Variants in GLIS3 observed in about 807,000 individuals in gnomAD.
GLIS3 encodes the protein zinc finger protein GLIS3.
GLIS3 carries 53 observed loss-of-function variants against 78.6 expected under a neutral mutation model. The observed-to-expected ratio is 0.67, with a 90% CI of 0.54 to 0.85. The LOEUF (loss-of-function observed/expected upper bound fraction) is 0.85. GLIS3 is among the 40% of genes least tolerant of loss of function. The pLI is 0.00. For missense variants in GLIS3, 1,703 were observed against 1,231.1 expected, an observed-to-expected ratio of 1.38 and a Z score of -5.74; for synonymous variants, 684 against 509.9, an observed-to-expected ratio of 1.34 and a Z score of -4.60.
chr9:4,318,198 A>T (rs894330508), intron 2 of GLIS3, among the ~76,000 whole-genome samples: 1 of 152,120 alleles, frequency 6.6e-6, no homozygotes, highest in Non-Finnish European at 1.5e-5. Flanking sequence ...ACAATGATGG[A>T]AAGTGGGGAG....
intron 4 of GLIS3, among the ~76,000 whole-genome samples, chr9:4,022,583 C>T (rs1412911039): frequency 6.6e-6 from 1 of 152,070 alleles, no homozygotes; most frequent in Non-Finnish European, 1.5e-5. Context: ...GTAATTTGCC[C>T]CAGAGAAATG....
At chr9:4,462,594 AACAC>A in the GLIS3 span, among the ~76,000 whole-genome samples, 2,891 of 145,018 alleles carry the variant, frequency 0.02, 77 homozygotes, top group African/African-American at 0.062. Context: ...CCATCTCTAT[AACAC>A]ACACACACAC....
chr9:4,174,661 T>C (rs1047350841), intron 2 of GLIS3, among the ~76,000 whole-genome samples: 7 of 152,234 alleles, frequency 4.6e-5, no homozygotes, highest in Admixed American at 2.6e-4. Flanking sequence ...AAACTGTGAA[T>C]TAACCTCCTT....
intron 4 of GLIS3, among the ~76,000 whole-genome samples, chr9:4,003,211 C>A (rs1265271893): frequency 2.0e-5 from 3 of 152,160 alleles, no homozygotes; most frequent in African/African-American, 7.2e-5. Context: ...AAGATCCCAT[C>A]TCTGTTTTAA....
chr9:4,152,204 C>A (rs1169842687), intron 2 of GLIS3: 46 of 741,066 alleles, frequency 6.2e-5, no homozygotes, highest in Non-Finnish European at 7.6e-5. Context: ...CAGGAAGGAA[C>A]CAAAGGAAGA....
intron 2 of GLIS3, among the ~76,000 whole-genome samples, chr9:4,284,872 T>C (rs1827852307): frequency 6.6e-6 from 1 of 152,118 alleles, no homozygotes; most frequent in South Asian, 2.1e-4. Flanking sequence ...GAGACCAAGA[T>C]CATGCCACTG....
intron 2 of GLIS3, among the ~76,000 whole-genome samples, chr9:4,218,114 A>C (rs1456579876): frequency 6.6e-6 from 1 of 152,208 alleles, no homozygotes; most frequent in African/African-American, 2.4e-5. Flanking sequence ...CCATCTACCC[A>C]GTTGCTGCAG....
At chr9:4,232,675 A>T (rs143863125) in intron 2 of GLIS3, among the ~76,000 whole-genome samples, 314 of 152,318 alleles carry the variant, frequency 2.1e-3, no homozygotes, top group African/African-American at 7.1e-3. Flanking sequence ...TATTATTACC[A>T]TTATCAATAA....
chr9:3,828,831 G>C (rs1817874187), intron 10 of GLIS3, among the ~76,000 whole-genome samples: 1 of 152,184 alleles, frequency 6.6e-6, no homozygotes, highest in Admixed American at 6.5e-5. Context: ...AAGCTCAGGT[G>C]AAGAGCATGT....
At chr9:4,155,478 C>A (rs923469713) in intron 2 of GLIS3, among the ~76,000 whole-genome samples, 1 of 152,160 alleles carries the variant, frequency 6.6e-6, no homozygotes, top group Non-Finnish European at 1.5e-5. Context: ...TTACCCTTTT[C>A]AATATTTAGC....
chr9:4,343,631 C>T (rs757515012), intron 2 of GLIS3, among the ~76,000 whole-genome samples: 4 of 152,184 alleles, frequency 2.6e-5, no homozygotes, highest in Non-Finnish European at 5.9e-5. Flanking sequence ...TATCACAGCA[C>T]TAGTCACAAT....
intron 4 of GLIS3, among the ~76,000 whole-genome samples, chr9:3,972,632 T>C (rs1295776159): frequency 1.3e-5 from 2 of 152,152 alleles, no homozygotes; most frequent in Non-Finnish European, 2.9e-5. Context: ...TTTAGGCACT[T>C]TTCTCCTTGT....
the GLIS3 span, among the ~76,000 whole-genome samples, chr9:4,397,018 T>C: frequency 1.4e-5 from 2 of 139,580 alleles, no homozygotes. Context: ...CCTTTTTTCT[T>C]TTTTTCTTTT....
intron 6 of GLIS3, among the ~76,000 whole-genome samples, chr9:3,912,846 G>C (rs1467558340): frequency 2.0e-5 from 3 of 152,158 alleles, no homozygotes; most frequent in Admixed American, 6.5e-5. Context: ...TTCACCCTTT[G>C]GGGCCTGGTT....
chr9:4,065,680 G>C (rs1588584574), intron 4 of GLIS3, among the ~76,000 whole-genome samples: 1 of 152,128 alleles, frequency 6.6e-6, no homozygotes. Context: ...CCACAAAGCA[G>C]TGTTTTATTA....
intron 4 of GLIS3, among the ~76,000 whole-genome samples, chr9:3,938,162 AC>A (rs987627057): frequency 9.2e-5 from 14 of 152,334 alleles, no homozygotes; most frequent in Admixed American, 4.6e-4. Context: ...TTTGGTGCTA[AC>A]CCCCAGAATA....
the GLIS3 span, among the ~76,000 whole-genome samples, chr9:4,462,778 C>A: frequency 6.6e-6 from 1 of 152,034 alleles, no homozygotes; most frequent in Non-Finnish European, 1.5e-5. Flanking sequence ...CCCCTGTGCT[C>A]CAATCTGAGC....
At chr9:4,337,886 G>A (rs1212957324) in intron 2 of GLIS3, among the ~76,000 whole-genome samples, 1 of 152,046 alleles carries the variant, frequency 6.6e-6, no homozygotes, top group Non-Finnish European at 1.5e-5. Flanking sequence ...GAAAGATGAA[G>A]AAACTGGGGT....
intron 2 of GLIS3, among the ~76,000 whole-genome samples, chr9:4,245,149 C>T (rs920575352): frequency 6.6e-6 from 1 of 152,092 alleles, no homozygotes; most frequent in African/African-American, 2.4e-5. Flanking sequence ...CCACTTGAAC[C>T]ATGTTTTCTT....
Sources: allele counts gnomAD v4.1 joint callset (sites outside exome capture counted in the v4.1 genomes callset), GRCh38; gene constraint gnomAD v4.1.1; transcripts MANE v1.5; gene names NCBI Gene and HGNC (gene_info 2026-07-23, HGNC 2026-07-21).